Variants in CLASP1 observed in about 807,000 individuals in gnomAD.
The protein encoded by CLASP1 is CLIP-associating protein 1.
CLASP1 carries 38 observed loss-of-function variants against 192.3 expected under a neutral mutation model. The observed-to-expected ratio is 0.20, with a 90% CI of 0.15 to 0.26. The LOEUF (loss-of-function observed/expected upper bound fraction) is 0.26, where lower values mean the gene tolerates loss of function less well. Among genes scored for constraint, CLASP1 ranks in the 10% least tolerant of loss-of-function variants. The pLI, the probability that CLASP1 is intolerant of heterozygous loss-of-function variation, is 1.00. For missense variants in CLASP1, 1,433 were observed against 1,932.5 expected (o/e 0.74, Z 4.85); for synonymous variants, 691 against 712.8 (o/e 0.97, Z 0.49).
intron 19 of CLASP1, among the ~76,000 whole-genome samples, chr2:121,430,482 A>G (rs2081200349): frequency 6.6e-6 from 1 of 152,266 alleles, no homozygotes; most frequent in Admixed American, 6.5e-5. Flanking sequence ...CAAGGAAGTG[A>G]TATCCATTTG....
exon 25 of CLASP1, chr2:121,407,629 C>T: frequency 1.2e-6 from 2 of 1,614,000 alleles, no homozygotes; most frequent in Non-Finnish European, 1.7e-6. Flanking sequence ...CATATGAGCG[C>T]TCAGAGCAAA....
intron 34 of CLASP1, 144 bp from the exon 36 acceptor site, chr2:121,367,975 G>T: frequency 9.5e-7 from 1 of 1,054,722 alleles, no homozygotes; most frequent in Non-Finnish European, 1.3e-6. Context: ...GTACTGCAAT[G>T]TAAAAATACC....
intron 1 of CLASP1, among the ~76,000 whole-genome samples, chr2:121,628,260 T>C (rs1317373599): frequency 6.6e-6 from 1 of 152,230 alleles, no homozygotes; most frequent in African/African-American, 2.4e-5. Context: ...AAACGAGTTA[T>C]GATTGCTTCA....
chr2:121,585,991 C>G (rs2061677775), intron 2 of CLASP1, among the ~76,000 whole-genome samples: 1 of 152,092 alleles, frequency 6.6e-6, no homozygotes, highest in South Asian at 2.1e-4. Context: ...TTCTGGATGG[C>G]TTCCCATTCT....
At chr2:121,597,309 A>G (rs1250070725) in intron 2 of CLASP1, among the ~76,000 whole-genome samples, 1 of 152,218 alleles carries the variant, frequency 6.6e-6, no homozygotes, top group African/African-American at 2.4e-5. Context: ...TCTGGCTCAC[A>G]GTAAATGCAC....
Position 121,594,805 on chromosome 2 carries a change from T to C in CLASP1, c.195+10896A>G, listed in dbSNP as rs934870717. Among the ~76,000 whole-genome samples the C allele has an allele frequency of 8.5e-5, 13 of 152,334 alleles. 1 individual carries two copies. The highest frequency in any genetic ancestry group is 7.2e-4 in the Admixed American group (11 of 15,302). The stretch of plus-strand genomic sequence containing the variant: ...AGGTATTGCAGTGAAGCACTGTGTC[T>C]ACTACTCTCAAATGATTACAATAAG... On this transcript the variant is annotated intron_variant, in intron 2 of 39. Coordinates refer to ENST00000263710, the Ensembl canonical transcript of CLASP1.
intron 2 of CLASP1, among the ~76,000 whole-genome samples, chr2:121,598,761 T>C (rs1199652860): frequency 6.6e-6 from 1 of 152,216 alleles, no homozygotes; most frequent in South Asian, 2.1e-4. Context: ...AAGGAATAAA[T>C]GGTAGCCATT....
At chr2:121,633,028 A>ATATATATATATAGATATATATATATATG (rs71398039) in intron 1 of CLASP1, among the ~76,000 whole-genome samples, 1 of 137,544 alleles carries the variant, frequency 7.3e-6, no homozygotes, top group Non-Finnish European at 1.5e-5. Flanking sequence ...ATATATATAT[A>ATATATATATATAGATATATATATATATG]GGCTTTTTTT....
intron 8 of CLASP1, among the ~76,000 whole-genome samples, chr2:121,479,056 C>CACACACACACACCCCCCCCA (rs1559371349): frequency 9.9e-6 from 1 of 101,216 alleles, no homozygotes; most frequent in Non-Finnish European, 2.0e-5. Flanking sequence ...CACCCCCCCC[C>CACACACACACACCCCCCCCA]CACACACACA....
At chr2:121,372,668 A>G (rs1210846792) in intron 34 of CLASP1, among the ~76,000 whole-genome samples, 1 of 152,170 alleles carries the variant, frequency 6.6e-6, no homozygotes, top group African/African-American at 2.4e-5. Flanking sequence ...CTCATGCCCT[A>G]TTCAATCCCA....
intron 24 of CLASP1, 80 bp from the exon 26 acceptor site, chr2:121,407,795 T>C: frequency 6.7e-7 from 1 of 1,502,192 alleles, no homozygotes; most frequent in East Asian, 2.3e-5. Flanking sequence ...CCAAACAAAA[T>C]CTACAACAAA....
intron 29 of CLASP1, among the ~76,000 whole-genome samples, chr2:121,397,950 T>C (rs77325245): frequency 0.052 from 7,849 of 152,070 alleles, 682 homozygotes; most frequent in African/African-American, 0.18. Context: ...TCCAATAAGA[T>C]ACCTATCTCT....
intron 1 of CLASP1, among the ~76,000 whole-genome samples, chr2:121,620,762 AAG>A (rs1265732599): frequency 6.6e-6 from 1 of 152,188 alleles, no homozygotes; most frequent in African/African-American, 2.4e-5. Flanking sequence ...TGTTGATTTT[AAG>A]AATTTCTAAA....
intron 6 of CLASP1, among the ~76,000 whole-genome samples, chr2:121,518,713 C>CA (rs34927610): frequency 3.3e-3 from 480 of 143,328 alleles, no homozygotes; most frequent in South Asian, 4.6e-3. Context: ...ACTAAAAATA[C>CA]AAAAAAAAAA....
At chr2:121,409,188 A>T in intron 24 of CLASP1, 1 of 656,576 alleles carries the variant, frequency 1.5e-6, no homozygotes, top group Non-Finnish European at 2.6e-6. Flanking sequence ...CAAGCGTTTC[A>T]TATCAAGCTA....
At position 121,386,824 on chromosome 2, in the gene CLASP1, T is replaced by G. The variant is rs149087889; in HGVS notation, c.3374+298A>C. ...GGGTAATGAGCTTCTACATGGATTC[T>G]ATGTAAAACAGTACTAAATACAAAC... is the stretch of plus-strand genomic sequence containing the variant. On this transcript the variant is annotated intron_variant, in intron 32 of 39. Coordinates refer to ENST00000263710, the Ensembl canonical transcript of CLASP1. Among the ~76,000 whole-genome samples, 49 of 152,352 alleles carry G rather than the reference T, an allele frequency of 3.2e-4. No individual in the cohort carries two copies. The East Asian group carries it at 8.5e-3, about 26-fold the overall frequency.
chr2:121,593,545 G>T (rs1241806038), intron 2 of CLASP1, among the ~76,000 whole-genome samples: 1 of 151,408 alleles, frequency 6.6e-6, no homozygotes, highest in Non-Finnish European at 1.5e-5. Flanking sequence ...CTTGATCCGG[G>T]GAGGCGGAAG....
rs1285371778 is a variant in CLASP1 at position 121,564,052 on chromosome 2, C to CA, written c.196-33728dup. Among the ~76,000 whole-genome samples, 3 of 152,254 alleles carry CA rather than the reference C, an allele frequency of 2.0e-5. 1 individual carries two copies. The highest frequency in any genetic ancestry group is 7.2e-5 in the African/African-American group (3 of 41,548). On this transcript the variant is annotated intron_variant, in intron 2 of 39. Coordinates refer to ENST00000263710, the Ensembl canonical transcript of CLASP1. Reference sequence around the variant, plus strand: ...GACCTATTCACTATCACAAGAACAGCATGGGAAAGACCTGTCCCCATGATT... The same window carrying CA: ...GACCTATTCACTATCACAAGAACAGCAATGGGAAAGACCTGTCCCCATGATT...
At chr2:121,581,517 A>G (rs927770876) in intron 2 of CLASP1, among the ~76,000 whole-genome samples, 1 of 150,110 alleles carries the variant, frequency 6.7e-6, no homozygotes, top group African/African-American at 2.5e-5. Flanking sequence ...CTCATGATCC[A>G]CCCGCCTCGG....
Sources: gnomAD v4.1 joint callset for allele counts (sites outside exome capture counted in the v4.1 genomes callset) on GRCh38, gnomAD v4.1.1 for gene constraint, MANE v1.5 for transcripts, NCBI Gene and HGNC (gene_info 2026-07-23, HGNC 2026-07-21) for gene names.